PTPDC1: variants seen among roughly 807,000 people sequenced by gnomAD.
PTPDC1 encodes the protein protein tyrosine phosphatase domain-containing protein 1.
In PTPDC1, 53 loss-of-function variants were observed where a neutral mutation model predicts 75.3. The ratio of observed to expected loss-of-function variants is 0.70; its 90% CI spans 0.56 to 0.88. The LOEUF is 0.88. Ranked by LOEUF, PTPDC1 falls within the 40% of genes least tolerant of loss-of-function variation. The pLI is 0.00. For missense variants in PTPDC1, 925 were observed against 998.6 expected (o/e 0.93, Z 0.99); for synonymous variants, 349 against 366.2 (o/e 0.95, Z 0.54).
intron 2 of PTPDC1, among the ~76,000 whole-genome samples, chr9:94,073,470 G>A (rs1029784463): frequency 2.6e-4 from 40 of 152,198 alleles, no homozygotes; most frequent in African/African-American, 9.1e-4. Context: ...TGATATGGGT[G>A]ATTTGTGTCT....
intron 2 of PTPDC1, among the ~76,000 whole-genome samples, chr9:94,074,946 C>T (rs1247941899): frequency 6.6e-6 from 1 of 152,142 alleles, no homozygotes; most frequent in African/African-American, 2.4e-5. Flanking sequence ...TGGATGAGAA[C>T]GAAGGTTCAG....
chr9:94,033,811 T>A (rs1564005364), intron 1 of PTPDC1, among the ~76,000 whole-genome samples: 1 of 152,114 alleles, frequency 6.6e-6, no homozygotes, highest in Non-Finnish European at 1.5e-5. Flanking sequence ...CATAAAAAAA[T>A]TCATAAAAAA....
intron 1 of PTPDC1, among the ~76,000 whole-genome samples, chr9:94,043,684 G>A (rs1825502942): frequency 6.6e-6 from 1 of 152,124 alleles, no homozygotes; most frequent in African/African-American, 2.4e-5. Context: ...TCGCACCACT[G>A]CACACCAGCC....
rs1331363220 is a variant in PTPDC1 at position 94,054,770 on chromosome 9, A to G, written c.-6-9964A>G. On this transcript the variant is annotated intron_variant, in intron 1 of 9. Transcript: ENST00000375360. ...ATGCCACATAATTAAGCTAAAACTT[A>G]AAACACAAACCAACAGGAAATCCCC... is the stretch of plus-strand genomic sequence containing the variant. Among the ~76,000 whole-genome samples the G allele has an allele frequency of 2.6e-5, 4 of 152,230 alleles. No homozygotes were observed. In the East Asian group the frequency reaches 7.7e-4, roughly 29 times the overall value.
upstream of PTPDC1, among the ~76,000 whole-genome samples, chr9:94,081,022 C>T (rs559376199): frequency 5.6e-5 from 8 of 142,308 alleles, no homozygotes; most frequent in African/African-American, 7.9e-5. Context: ...GACAGTCCCG[C>T]TCTGTCACCC....
At chr9:94,043,744 A>C (rs1825504535) in intron 1 of PTPDC1, among the ~76,000 whole-genome samples, 1 of 152,136 alleles carries the variant, frequency 6.6e-6, no homozygotes, top group Non-Finnish European at 1.5e-5. Flanking sequence ...CTCATCAGCA[A>C]ACCAAAGGTC....
chr9:94,098,125 G>A lies in PTPDC1; in HGVS notation c.1559G>A (p.Gly520Glu), dbSNP rs771839158. 2.0e-5 allele frequency: 32 copies of A among 1,614,182 alleles called. No individual in the cohort carries two copies. In the Admixed American group the frequency reaches 5.0e-4, roughly 25 times the overall value. The change falls in exon 6 of 9, where the codon GGA becomes GAA. Residue 520 changes from glycine to glutamate, a missense_variant. Transcript: ENST00000620992. The part of the protein sequence containing the change: ...WSQSKFGGLE[G>E]LKDNGSPIFH... ...CAGTCAAAGTTTGGAGGCCTGGAAG[G>A]ACTCAAAGATAATGGGTCACCAATT...
At chr9:94,061,635 C>T (rs1332450455) in intron 1 of PTPDC1, among the ~76,000 whole-genome samples, 1 of 152,250 alleles carries the variant, frequency 6.6e-6, no homozygotes, top group Non-Finnish European at 1.5e-5. Context: ...GCAGGCTTAA[C>T]ACCACATGGG....
chr9:94,107,824 C>T lies in PTPDC1; in HGVS notation c.2311-4C>T, dbSNP rs1487230142. On this transcript the variant is annotated splice_polypyrimidine_tract_variant and splice_region_variant and intron_variant, in intron 8 of 8. Transcript: ENST00000620992. ...GTCCTGAATATAAATTTCTTTGTCA[C>T]CAGGTTAATTTTGATTCTGAAAATG... The T allele has an allele frequency of 6.5e-7, 1 of 1,540,124 alleles. No individual in the cohort carries two copies.
exon 1 of PTPDC1, chr9:94,031,062 G>T (rs1279475018): frequency 1.3e-5 from 2 of 152,264 alleles, no homozygotes; most frequent in African/African-American, 4.8e-5. Context: ...GACGACTTGT[G>T]ACACGGACGG....
At chr9:94,053,535 G>A (rs1464036369) in intron 1 of PTPDC1, among the ~76,000 whole-genome samples, 1 of 152,040 alleles carries the variant, frequency 6.6e-6, no homozygotes, top group Non-Finnish European at 1.5e-5. Flanking sequence ...TGTTTTTATG[G>A]CATCCGAGCC....
In PTPDC1 at chr9:94,097,534, G is replaced by A. The variant is rs775390650; in HGVS notation, c.968G>A (p.Arg323His). The A allele has an allele frequency of 2.5e-5, 40 of 1,614,006 alleles. No homozygotes were observed. In the Admixed American group the frequency reaches 3.2e-4, roughly 13 times the overall value. Residue 323 changes from arginine (R) to histidine (H), a missense_variant, in exon 6 of 9, where the codon CGC becomes CAC. By Grantham distance (29) the Arg-to-His change is conservative. Coordinates refer to ENST00000620992, the MANE Select transcript of PTPDC1 (RefSeq NM_001253829.2). Reference protein sequence around the residue: ...HAVTLPQYLIRQRHLLHGYEA... With the variant: ...HAVTLPQYLIHQRHLLHGYEA... ...GTCACCTTACCTCAATATCTAATTC[G>A]CCAGCGTCATCTGCTTCATGGTTAT...
At chr9:94,044,023 C>T (rs973054829) in intron 1 of PTPDC1, among the ~76,000 whole-genome samples, 2 of 152,110 alleles carry the variant, frequency 1.3e-5, no homozygotes, top group African/African-American at 4.8e-5. Context: ...ATTGAAGTGT[C>T]TAATGTTTTG....
At chr9:94,099,789 A>G (rs1827771226) in intron 6 of PTPDC1, among the ~76,000 whole-genome samples, 5 of 152,254 alleles carry the variant, frequency 3.3e-5, no homozygotes, top group Admixed American at 3.3e-4. Context: ...CTCCTGGGTC[A>G]GCCCCAGTGC....
upstream of PTPDC1, among the ~76,000 whole-genome samples, chr9:94,080,151 C>T (rs138848661): frequency 1.3e-3 from 193 of 152,270 alleles, no homozygotes; most frequent in African/African-American, 4.3e-3. Context: ...GCAGCAGCAG[C>T]TTGGCATAGG....
intron 1 of PTPDC1, among the ~76,000 whole-genome samples, chr9:94,058,528 A>G (rs1459656035): frequency 2.0e-5 from 3 of 149,786 alleles, no homozygotes; most frequent in Non-Finnish European, 4.4e-5. Flanking sequence ...GTGAAATCCC[A>G]TCTCTACTGA....
At chr9:94,040,020 A>G (rs1825383876) in intron 1 of PTPDC1, among the ~76,000 whole-genome samples, 1 of 152,224 alleles carries the variant, frequency 6.6e-6, no homozygotes, top group African/African-American at 2.4e-5. Context: ...AATGAGCTGA[A>G]CAAAGGAGGT....
At chr9:94,094,630 G>A (rs902770403) in intron 4 of PTPDC1, among the ~76,000 whole-genome samples, 1 of 152,202 alleles carries the variant, frequency 6.6e-6, no homozygotes, top group African/African-American at 2.4e-5. Flanking sequence ...CGGCTGCTTT[G>A]TTTACCTAAG....
rs1242680399 is a variant in PTPDC1 at position 94,104,322 on chromosome 9, G to A, written c.2247G>A (p.Leu749=). The change falls in exon 8 of 9, where the codon CTG becomes CTA. Residue 749 remains leucine (L), a synonymous_variant. Transcript: ENST00000620992. The stretch of plus-strand genomic sequence containing the variant: ...GCGTGTTGCACTGCATAGTGAACCT[G>A]CAGACAATTCCCGTGGATGTGGAGG... The part of the protein sequence containing the change: ...ILCVLHCIVN[L]QTIPVDVEEA... 6.2e-7 allele frequency: 1 copy of A among 1,613,808 alleles called. No homozygotes were observed. Among genetic ancestry groups the A allele is most frequent in the Admixed American group, 1.7e-5 (1 of 60,002 alleles).
Sources: gnomAD v4.1 joint callset for allele counts (sites outside exome capture counted in the v4.1 genomes callset) on GRCh38, gnomAD v4.1.1 for gene constraint, MANE v1.5 for transcripts, NCBI Gene and HGNC (gene_info 2026-07-23, HGNC 2026-07-21) for gene names.